BABAM2: variants seen among roughly 807,000 people sequenced by gnomAD.
BABAM2 encodes the protein BRISC and BRCA1 A complex member 2.
BABAM2 carries 31 observed loss-of-function variants against 54.7 expected under a neutral mutation model. That is an observed-to-expected ratio of 0.57 (90% CI 0.43 to 0.77). BABAM2 has a LOEUF of 0.77. Ranked by LOEUF, BABAM2 falls within the 30% of genes least tolerant of loss-of-function variation. The pLI is 0.00. For synonymous variants in BABAM2, 167 were observed against 162.9 expected (o/e 1.03, Z -0.19); for missense variants, 364 against 455.8 (o/e 0.80, Z 1.83).
intron 11 of BABAM2, among the ~76,000 whole-genome samples, chr2:28,324,530 T>C (rs956171232): frequency 3.3e-5 from 5 of 152,022 alleles, no homozygotes; most frequent in East Asian, 1.9e-4. Context: ...TTTCAGAACT[T>C]TGGGAGGCTG....
chr2:28,319,928 C>T (rs1023269218), intron 11 of BABAM2, among the ~76,000 whole-genome samples: 2 of 152,156 alleles, frequency 1.3e-5, no homozygotes, highest in African/African-American at 4.8e-5. Flanking sequence ...GCACTGGGTT[C>T]CCCACTGCGC....
intron 5 of BABAM2, among the ~76,000 whole-genome samples, chr2:28,034,825 A>G (rs541715660): frequency 6.6e-6 from 1 of 152,200 alleles, no homozygotes; most frequent in Non-Finnish European, 1.5e-5. Flanking sequence ...ACATTTATCA[A>G]TCTGCTTGTG....
At chr2:28,007,930 C>G (rs957275939) in intron 4 of BABAM2, among the ~76,000 whole-genome samples, 3 of 152,070 alleles carry the variant, frequency 2.0e-5, no homozygotes, top group Non-Finnish European at 2.9e-5. Flanking sequence ...TAGCCAGTAT[C>G]TTTATTGACC....
At chr2:28,229,097 G>A (rs1427549083) in intron 7 of BABAM2, among the ~76,000 whole-genome samples, 1 of 152,098 alleles carries the variant, frequency 6.6e-6, no homozygotes, top group African/African-American at 2.4e-5. Flanking sequence ...AATATTCCTG[G>A]AAACACCCTC....
chr2:27,995,648 C>T lies in BABAM2; in HGVS notation c.300+7561C>T, dbSNP rs1331024189. Among the ~76,000 whole-genome samples the T allele has an allele frequency of 4.6e-5, 7 of 152,162 alleles. No individual in the cohort carries two copies. The highest frequency in any genetic ancestry group is 2.1e-4 in the South Asian group (1 of 4,814). On this transcript the variant is annotated intron_variant, in intron 4 of 11. Coordinates refer to ENST00000379624, the MANE Select transcript of BABAM2 (RefSeq NM_199191.3). The surrounding 1 kb of genome is among the most constrained non-coding windows in gnomAD (Gnocchi z 4.1). ...AGGCTAGAGTGGAGTGGCTCAATCT[C>T]GGCTCACTGCAAGCTCCGCCTCCCG...
chr2:28,151,712 A>G (rs1427439652), intron 7 of BABAM2, among the ~76,000 whole-genome samples: 1 of 152,240 alleles, frequency 6.6e-6, no homozygotes, highest in Non-Finnish European at 1.5e-5. Context: ...TTAGAGCAAG[A>G]TAGTTGGAAA....
At chr2:28,090,891 A>T (rs1349200288) in intron 6 of BABAM2, among the ~76,000 whole-genome samples, 2 of 152,178 alleles carry the variant, frequency 1.3e-5, no homozygotes, top group Admixed American at 6.5e-5. Context: ...TCACCCTGAA[A>T]ATTAGGATAC....
intron 7 of BABAM2, among the ~76,000 whole-genome samples, chr2:28,184,302 C>T (rs1025575059): frequency 5.0e-5 from 7 of 139,352 alleles, no homozygotes; most frequent in African/African-American, 1.6e-4. Flanking sequence ...CTCCCTCTCT[C>T]CCTCTCTCTC....
At chr2:28,316,702 G>A (rs927951853) in intron 11 of BABAM2, among the ~76,000 whole-genome samples, 8 of 152,160 alleles carry the variant, frequency 5.3e-5, no homozygotes, top group African/African-American at 1.9e-4. Flanking sequence ...CAGGAACATT[G>A]CTCACAGCGG....
intron 10 of BABAM2, among the ~76,000 whole-genome samples, chr2:28,275,163 C>A (rs951889944): frequency 6.6e-6 from 1 of 152,170 alleles, no homozygotes; most frequent in Non-Finnish European, 1.5e-5. Flanking sequence ...TTCTAAAGCA[C>A]CCCCATGCAC....
At chr2:27,898,475 A>G (rs1416072897) in intron 2 of BABAM2, among the ~76,000 whole-genome samples, 5 of 152,192 alleles carry the variant, frequency 3.3e-5, no homozygotes, top group Non-Finnish European at 7.3e-5. Context: ...TTTTTTATCC[A>G]TAAAATGAAC....
At chr2:28,237,907 T>C (rs1313683431) in intron 8 of BABAM2, among the ~76,000 whole-genome samples, 1 of 152,076 alleles carries the variant, frequency 6.6e-6, no homozygotes, top group Middle Eastern at 3.2e-3. Context: ...GGCTGGAATG[T>C]AGTGGCGCGA....
intron 7 of BABAM2, among the ~76,000 whole-genome samples, chr2:28,166,672 A>G (rs1403848034): frequency 2.0e-5 from 3 of 152,112 alleles, no homozygotes; most frequent in Admixed American, 6.5e-5. Context: ...TCTTCTACCT[A>G]TGGCCACAAC....
intron 11 of BABAM2, among the ~76,000 whole-genome samples, chr2:28,316,436 G>A (rs1233538599): frequency 7.6e-6 from 1 of 131,368 alleles, no homozygotes; most frequent in African/African-American, 2.8e-5. Flanking sequence ...GTGGGGGTGG[G>A]GGTGGGAGTC....
intron 7 of BABAM2, among the ~76,000 whole-genome samples, chr2:28,147,803 C>G (rs1469811342): frequency 1.3e-5 from 2 of 152,142 alleles, no homozygotes; most frequent in African/African-American, 4.8e-5. Context: ...AGTAATAGGA[C>G]ACATGTCTCA....
intron 6 of BABAM2, among the ~76,000 whole-genome samples, chr2:28,057,689 A>G (rs1211191319): frequency 1.3e-5 from 2 of 152,238 alleles, no homozygotes; most frequent in Non-Finnish European, 2.9e-5. Flanking sequence ...TAAGGTGACT[A>G]CACAGATAAT....
chr2:28,199,592 T>C (rs2147949318), intron 7 of BABAM2, among the ~76,000 whole-genome samples: 1 of 152,240 alleles, frequency 6.6e-6, no homozygotes, highest in South Asian at 2.1e-4. Context: ...CTTAAGGAGA[T>C]GAGGTTGACT....
At chr2:27,957,764 A>T (rs984848448) in intron 3 of BABAM2, among the ~76,000 whole-genome samples, 3 of 152,100 alleles carry the variant, frequency 2.0e-5, no homozygotes, top group Non-Finnish European at 4.4e-5. Context: ...CCTCCTCTTG[A>T]ATCTGGGTGG....
At chr2:28,255,311 T>C (rs546950327) in intron 10 of BABAM2, among the ~76,000 whole-genome samples, 1 of 152,214 alleles carries the variant, frequency 6.6e-6, no homozygotes, top group South Asian at 2.1e-4. Flanking sequence ...TCTCACTTTG[T>C]TGCCCAGGCT....
Sources: allele counts gnomAD v4.1 joint callset (sites outside exome capture counted in the v4.1 genomes callset), GRCh38; gene constraint gnomAD v4.1.1; non-coding constraint Gnocchi (gnomAD v3.1); transcripts MANE v1.5; gene names NCBI Gene and HGNC (gene_info 2026-07-23, HGNC 2026-07-21).